OTOGL: variants seen among roughly 807,000 people sequenced by gnomAD.
OTOGL encodes the protein otogelin like, also known as otogelin-like protein.
A neutral mutation model predicts 318.5 loss-of-function variants in OTOGL; 285 were observed. The ratio of observed to expected loss-of-function variants is 0.89; its 90% CI spans 0.81 to 0.99. The LOEUF (loss-of-function observed/expected upper bound fraction) is 0.99, where lower values mean the gene tolerates loss of function less well. Ranked by LOEUF, OTOGL falls within the 50% of genes least tolerant of loss-of-function variation. OTOGL has a pLI of 0.00. For synonymous variants in OTOGL, 987 were observed against 936.5 expected, an observed-to-expected ratio of 1.05 and a Z score of -0.99; for missense variants, 2,899 against 2,845.6, an observed-to-expected ratio of 1.02 and a Z score of -0.43.
At chr12:80,307,264 C>CG (rs1323923594) in intron 29 of OTOGL, among the ~76,000 whole-genome samples, 72 of 151,600 alleles carry the variant, frequency 4.7e-4, no homozygotes, top group Non-Finnish European at 8.3e-4. Context: ...ACCTTTCCCC[C>CG]CTTTCTATTC....
At chr12:80,278,041 G>T in intron 24 of OTOGL, 127 bp from the exon 25 acceptor site, 1 of 687,910 alleles carries the variant, frequency 1.5e-6, no homozygotes, top group Non-Finnish European at 2.4e-6. Context: ...TCCTCAGTAG[G>T]TTAGATAGAG....
At chr12:80,171,085 C>T (rs142391667) in intron 1 of OTOGL, among the ~76,000 whole-genome samples, 14 of 151,802 alleles carry the variant, frequency 9.2e-5, no homozygotes, top group African/African-American at 1.4e-4. Flanking sequence ...GGATTAATTT[C>T]GTTTTTTGAG....
chr12:80,147,655 T>A (rs567374966), intron 1 of OTOGL, among the ~76,000 whole-genome samples: 1 of 152,004 alleles, frequency 6.6e-6, no homozygotes, highest in Non-Finnish European at 1.5e-5. Flanking sequence ...GACAGTGGGG[T>A]GTTAAAGTCT....
chr12:80,164,254 C>T (rs564969566), intron 1 of OTOGL, among the ~76,000 whole-genome samples: 31 of 152,282 alleles, frequency 2.0e-4, no homozygotes, highest in African/African-American at 6.3e-4. Flanking sequence ...TTCCTCTTCT[C>T]CTTCAAGGTA....
intron 27 of OTOGL, among the ~76,000 whole-genome samples, chr12:80,298,889 C>T (rs2137720310): frequency 6.6e-6 from 1 of 152,270 alleles, no homozygotes; most frequent in South Asian, 2.1e-4. Context: ...CCTCATTTTA[C>T]AGGCAAGAAA....
rs1386391022 is a variant in OTOGL, at chr12:80,278,195, T to C, written c.2709T>C (p.Tyr903=). The C allele has an allele frequency of 6.5e-7, 1 of 1,546,978 alleles. No homozygotes were observed. The highest frequency in any genetic ancestry group is 1.2e-5 in the South Asian group (1 of 83,924). Residue 903 remains tyrosine (Y), a synonymous_variant, in exon 25 of 59, where the codon TAT becomes TAC. Transcript: ENST00000547103. The part of the protein sequence containing the change: ...PGMAEHRGKC[Y]VPESCPCIWK... ...TGGCAGAGCACAGAGGAAAGTGTTA[T>C]GTTCCTGAAAGCTGCCCATGTATTT...
At chr12:80,213,410 G>C (rs150092605) in intron 4 of OTOGL, among the ~76,000 whole-genome samples, 2 of 152,208 alleles carry the variant, frequency 1.3e-5, no homozygotes, top group African/African-American at 4.8e-5. Context: ...CCTGTATCTT[G>C]TGATGCCAGT....
chr12:80,289,216 C>G lies in OTOGL; in HGVS notation c.2929-7611C>G, dbSNP rs1884856362. Among the ~76,000 whole-genome samples, 7 of 152,280 alleles carry G rather than the reference C, an allele frequency of 4.6e-5. No homozygotes were observed. The South Asian group carries it at 1.4e-3, about 32-fold the overall frequency. On this transcript the variant is annotated intron_variant, in intron 26 of 58. Transcript: ENST00000547103. ...CCAAACCCTGCTTGCCTGGGTGTTA[C>G]CTGCGGAGGCTGCAGAACAGCAAAG...
In OTOGL at chr12:80,110,487, G is replaced by A. The variant is rs979819559; in HGVS notation, c.-20+10882G>A. On this transcript the variant is annotated intron_variant, in intron 1 of 58. Coordinates refer to ENST00000547103, the MANE Select transcript of OTOGL (RefSeq NM_001378609.3). ...TCTCATTTTCGACACCCACTTATGAGTGAGAACATGCGGTTTTTGGTTTTC... is the reference window on the plus strand; with the variant it reads ...TCTCATTTTCGACACCCACTTATGAATGAGAACATGCGGTTTTTGGTTTTC... Among the ~76,000 whole-genome samples the A allele has an allele frequency of 2.6e-5, 4 of 152,126 alleles. No individual in the cohort carries two copies. The South Asian group carries it at 6.2e-4, about 24-fold the overall frequency.
At chr12:80,257,757 G>A (rs1882186164) in intron 17 of OTOGL, 68 bp from the exon 18 acceptor site, 1 of 1,300,858 alleles carries the variant, frequency 7.7e-7, no homozygotes, top group South Asian at 1.5e-5. Flanking sequence ...TCCTGGTGGT[G>A]TACCCTAGCA....
intron 17 of OTOGL, 53 bp downstream of exon 17, chr12:80,256,513 C>CAAACAAAG (rs71928998): frequency 1.3e-6 from 2 of 1,516,704 alleles, no homozygotes; most frequent in South Asian, 1.2e-5. Flanking sequence ...AACAAACAAA[C>CAAACAAAG]AAACAAACAA....
intron 1 of OTOGL, among the ~76,000 whole-genome samples, chr12:80,203,520 C>T (rs993189586): frequency 6.6e-6 from 1 of 152,116 alleles, no homozygotes. Context: ...ATTATTCCAC[C>T]AATCATAGTG....
chr12:80,284,840 C>G (rs1215112229), intron 26 of OTOGL, among the ~76,000 whole-genome samples: 1 of 152,128 alleles, frequency 6.6e-6, no homozygotes, highest in Non-Finnish European at 1.5e-5. Flanking sequence ...CCTGTTCACT[C>G]TGATGCTAGT....
At position 80,271,658 on chromosome 12, in the gene OTOGL, C is replaced by T. The variant is rs1489206228; in HGVS notation, c.2529C>T (p.Cys843=). ...ELATPSAVHI[C]PEGKEYFDCR... is the part of the protein sequence containing the mutation. The stretch of plus-strand genomic sequence containing the variant: ...TGCTTATATCTGAAGTTCACATCTG[C>T]CCAGAGGGAAAAGAGTATTTCGACT... Residue 843 remains cysteine, a synonymous_variant, in exon 24 of 59, where the codon TGC becomes TGT. Transcript: ENST00000547103. 1 of 1,612,430 alleles carries T rather than the reference C, an allele frequency of 6.2e-7. No individual in the cohort carries two copies. The highest frequency in any genetic ancestry group is 2.2e-5 in the East Asian group (1 of 44,828).
At chr12:80,259,345 A>G (rs913510619) in intron 18 of OTOGL, among the ~76,000 whole-genome samples, 3 of 151,444 alleles carry the variant, frequency 2.0e-5, no homozygotes, top group African/African-American at 7.3e-5. Flanking sequence ...TTCTTTTTTA[A>G]AACATTTTAT....
At chr12:80,234,296 G>T (rs968225619) in intron 9 of OTOGL, among the ~76,000 whole-genome samples, 1 of 152,096 alleles carries the variant, frequency 6.6e-6, no homozygotes, top group Non-Finnish European at 1.5e-5. Context: ...ATACTGTCAG[G>T]GTTGGATTAC....
chr12:80,215,188 A>G (rs1228304226), intron 4 of OTOGL, among the ~76,000 whole-genome samples: 1 of 140,034 alleles, frequency 7.1e-6, no homozygotes, highest in African/African-American at 2.7e-5. Flanking sequence ...TTTTTTTGAG[A>G]GAGAGTTTTG....
chr12:80,239,230 C>T, intron 10 of OTOGL, 103 bp from the exon 11 acceptor site: 1 of 1,020,432 alleles, frequency 9.8e-7, no homozygotes, highest in Non-Finnish European at 1.4e-6. Context: ...CATCTTTTTC[C>T]TTGTGAGAAC....
At chr12:80,282,400 C>T (rs954786385) in intron 26 of OTOGL, among the ~76,000 whole-genome samples, 5 of 151,742 alleles carry the variant, frequency 3.3e-5, no homozygotes, top group Admixed American at 1.3e-4. Context: ...TTATGTTTTA[C>T]GTCATTGGAT....
Sources: gnomAD v4.1 joint callset for allele counts (sites outside exome capture counted in the v4.1 genomes callset) on GRCh38, gnomAD v4.1.1 for gene constraint, MANE v1.5 for transcripts, NCBI Gene and HGNC (gene_info 2026-07-23, HGNC 2026-07-21) for gene names.